Variants in KIAA1217 observed in about 807,000 individuals in gnomAD.
KIAA1217 encodes the protein sickle tail protein homolog.
A neutral mutation model predicts 163.9 loss-of-function variants in KIAA1217; 88 were observed. The observed-to-expected ratio is 0.54, with a 90% CI of 0.45 to 0.64. The LOEUF is 0.64. Among genes scored for constraint, KIAA1217 ranks in the 30% least tolerant of loss-of-function variants. KIAA1217 has a pLI of 0.00. For synonymous variants in KIAA1217, 903 were observed against 923.1 expected, an observed-to-expected ratio of 0.98 and a Z score of 0.39; for missense variants, 2,372 against 2,475.0, an observed-to-expected ratio of 0.96 and a Z score of 0.88.
chr10:24,173,154 A>T (rs1052497057), intron 2 of KIAA1217, among the ~76,000 whole-genome samples: 2 of 152,118 alleles, frequency 1.3e-5, no homozygotes, highest in Admixed American at 1.3e-4. Context: ...GTGGTATTAG[A>T]TTCTCATAGG....
At chr10:24,488,530 A>G (rs2133564804) in intron 6 of KIAA1217, among the ~76,000 whole-genome samples, 1 of 152,334 alleles carries the variant, frequency 6.6e-6, no homozygotes, top group African/African-American at 2.4e-5. Flanking sequence ...AATAGATCTA[A>G]ATGTGTCAAT....
At chr10:24,241,047 A>G (rs1033919043) in intron 2 of KIAA1217, among the ~76,000 whole-genome samples, 4 of 152,104 alleles carry the variant, frequency 2.6e-5, no homozygotes, top group Non-Finnish European at 5.9e-5. Context: ...GGGTTTCACC[A>G]TGATGCCCAG....
chr10:23,789,059 TA>T, intron 1 of KIAA1217, among the ~76,000 whole-genome samples: 1 of 152,354 alleles, frequency 6.6e-6, no homozygotes, highest in South Asian at 2.1e-4. Flanking sequence ...TAATTCTTAA[TA>T]AAATTTGAGA....
At chr10:23,774,940 G>C (rs920469651) in intron 1 of KIAA1217, among the ~76,000 whole-genome samples, 1 of 152,094 alleles carries the variant, frequency 6.6e-6, no homozygotes, top group Non-Finnish European at 1.5e-5. Flanking sequence ...TTCTATTCTT[G>C]CCTATACCCC....
At chr10:24,069,336 T>C (rs1263894402) in intron 2 of KIAA1217, among the ~76,000 whole-genome samples, 5 of 152,220 alleles carry the variant, frequency 3.3e-5, no homozygotes, top group Non-Finnish European at 7.3e-5. Flanking sequence ...TTTATCTGCT[T>C]ACTCTATGCT....
intron 2 of KIAA1217, among the ~76,000 whole-genome samples, chr10:24,015,461 A>G (rs1401807902): frequency 2.0e-5 from 3 of 152,086 alleles, no homozygotes; most frequent in Non-Finnish European, 2.9e-5. Context: ...CAGGTCTAGA[A>G]ATAGCAACAT....
At position 24,219,919 on chromosome 10, in the gene KIAA1217, T is replaced by C. The variant is rs1303604344; in HGVS notation, c.354+10T>C. On this transcript the variant is annotated intron_variant, in intron 2 of 20. Transcript: ENST00000376454. ...GAGGCTGAGAGACCAGGTACGAATA[T>C]GCTCTCATTTCTCCTTGTGTAGCTC... The C allele has an allele frequency of 3.8e-6, 6 of 1,575,186 alleles. No individual in the cohort carries two copies. Among genetic ancestry groups the C allele is most frequent in the Non-Finnish European group, 5.2e-6 (6 of 1,162,580 alleles).
intron 1 of KIAA1217, among the ~76,000 whole-genome samples, chr10:23,702,561 A>G (rs1836531038): frequency 6.6e-6 from 1 of 151,990 alleles, no homozygotes; most frequent in African/African-American, 2.4e-5. Context: ...GTAATTAATA[A>G]AATCTTAATT....
chr10:24,331,577 C>T (rs367865882), intron 2 of KIAA1217, among the ~76,000 whole-genome samples: 28 of 152,282 alleles, frequency 1.8e-4, no homozygotes, highest in African/African-American at 6.0e-4. Flanking sequence ...ATGAACAAAG[C>T]GTGGCTTGAA....
At chr10:24,477,297 C>A (rs993961076) in intron 6 of KIAA1217, among the ~76,000 whole-genome samples, 1 of 152,200 alleles carries the variant, frequency 6.6e-6, no homozygotes, top group Admixed American at 6.5e-5. Context: ...ATGTAATCAT[C>A]ATGACAACCC....
chr10:23,818,351 A>AAAAATAT (rs374977941), intron 1 of KIAA1217, among the ~76,000 whole-genome samples: 5 of 134,906 alleles, frequency 3.7e-5, no homozygotes, highest in South Asian at 4.5e-4. Flanking sequence ...TATATAAAAA[A>AAAAATAT]ATATATATAT....
chr10:24,335,652 C>T (rs1379749930), intron 2 of KIAA1217, among the ~76,000 whole-genome samples: 6 of 150,162 alleles, frequency 4.0e-5, no homozygotes, highest in African/African-American at 1.2e-4. Context: ...TTCTGTCGCC[C>T]AGGCTGGAGT....
At chr10:23,720,357 T>A (rs1837809660) in intron 1 of KIAA1217, among the ~76,000 whole-genome samples, 1 of 152,162 alleles carries the variant, frequency 6.6e-6, no homozygotes, top group South Asian at 2.1e-4. Context: ...CATTTAAAAT[T>A]TTTACTAAAT....
At chr10:24,470,037 C>T (rs1011667152) in intron 5 of KIAA1217, among the ~76,000 whole-genome samples, 13 of 152,100 alleles carry the variant, frequency 8.5e-5, no homozygotes, top group East Asian at 1.9e-4. Flanking sequence ...ATATTTGAGT[C>T]GATGTGATGA....
chr10:24,400,180 GA>G (rs969085090), intron 3 of KIAA1217, among the ~76,000 whole-genome samples: 39 of 151,742 alleles, frequency 2.6e-4, no homozygotes, highest in African/African-American at 8.5e-4. Flanking sequence ...AATTGGGGCA[GA>G]AAAAAAAATT....
intron 2 of KIAA1217, among the ~76,000 whole-genome samples, chr10:24,085,831 G>T (rs1589437856): frequency 6.6e-6 from 1 of 151,880 alleles, no homozygotes; most frequent in Non-Finnish European, 1.5e-5. Flanking sequence ...AAATTAGCTG[G>T]GCATAACTGC....
In KIAA1217 at chr10:24,544,397, G is replaced by A. The variant is rs772371824; in HGVS notation, c.5127G>A (p.Glu1709=). 1.2e-6 allele frequency: 2 copies of A among 1,614,024 alleles called. No individual in the cohort carries two copies. The highest frequency in any genetic ancestry group is 2.2e-5 in the South Asian group (2 of 91,072). Residue 1709 remains glutamate (E), a synonymous_variant, in exon 19 of 21, where the codon GAG becomes GAA. Coordinates refer to ENST00000376454, the MANE Select transcript of KIAA1217 (RefSeq NM_019590.5). Reference sequence around the variant, plus strand: ...CAAGTTCATCCCACATAGCCCAAGAGGCCTCTCCCCGACCCTTGCTAGTTC... The same window carrying A: ...CAAGTTCATCCCACATAGCCCAAGAAGCCTCTCCCCGACCCTTGCTAGTTC... The part of the protein sequence containing the change: ...SVASSSHIAQ[E]ASPRPLLVPD...
At chr10:24,540,747 T>C (rs2074913587) in intron 17 of KIAA1217, among the ~76,000 whole-genome samples, 1 of 152,182 alleles carries the variant, frequency 6.6e-6, no homozygotes, top group Non-Finnish European at 1.5e-5. Context: ...GAAACCTTTT[T>C]TTTAAATTCA....
chr10:24,438,823 GC>G (rs1216360411), intron 5 of KIAA1217, among the ~76,000 whole-genome samples: 1 of 152,128 alleles, frequency 6.6e-6, no homozygotes, highest in Non-Finnish European at 1.5e-5. Context: ...TCCAATTAAA[GC>G]AAACCTAACA....
Sources: allele counts gnomAD v4.1 joint callset (sites outside exome capture counted in the v4.1 genomes callset), GRCh38; gene constraint gnomAD v4.1.1; transcripts MANE v1.5; gene names NCBI Gene and HGNC (gene_info 2026-07-23, HGNC 2026-07-21).